Variants in MTMR6 observed in about 807,000 individuals in gnomAD.
MTMR6 encodes the protein myotubularin related protein 6.
In MTMR6, 47 loss-of-function variants were observed where a neutral mutation model predicts 80.1. That is an observed-to-expected ratio of 0.59 (90% CI 0.46 to 0.75). The LOEUF is 0.75. MTMR6 is among the 30% of genes least tolerant of loss of function. MTMR6 has a pLI of 0.00. For missense variants in MTMR6, 629 were observed against 730.9 expected (o/e 0.86, Z 1.61); for synonymous variants, 254 against 253.0 (o/e 1.00, Z -0.04).
intron 6 of MTMR6, among the ~76,000 whole-genome samples, chr13:25,260,414 C>T (rs896414945): frequency 6.6e-6 from 1 of 152,174 alleles, no homozygotes; most frequent in Non-Finnish European, 1.5e-5. Flanking sequence ...GTGATCCACC[C>T]GCCGTGGCCT....
intron 9 of MTMR6, among the ~76,000 whole-genome samples, chr13:25,255,986 T>A (rs1957199634): frequency 6.6e-6 from 1 of 152,216 alleles, no homozygotes; most frequent in African/African-American, 2.4e-5. Flanking sequence ...GCCTTCAAGA[T>A]ACCAAGCCAC....
intron 9 of MTMR6, 22 bp downstream of exon 9, chr13:25,257,174 G>A: frequency 3.1e-6 from 5 of 1,607,476 alleles, no homozygotes; most frequent in Non-Finnish European, 4.3e-6. Flanking sequence ...AGAACCATTG[G>A]TCTAACCAAA....
chr13:25,267,964 G>T (rs754716634), intron 2 of MTMR6, 23 bp from the exon 3 acceptor site: 73 of 1,552,116 alleles, frequency 4.7e-5, no homozygotes, highest in Non-Finnish European at 6.3e-5. Flanking sequence ...AAAACATCCA[G>T]GTCATCAACA....
intron 1 of MTMR6, among the ~76,000 whole-genome samples, chr13:25,286,811 A>C (rs1396208735): frequency 6.6e-6 from 1 of 152,194 alleles, no homozygotes; most frequent in Non-Finnish European, 1.5e-5. Flanking sequence ...GGGACAATGA[A>C]ATGTGAGCAA....
chr13:25,249,060 T>C lies in MTMR6; in HGVS notation c.*172A>G. On this transcript the variant is annotated 3_prime_UTR_variant, in exon 14 of 14. Transcript: ENST00000381801. The stretch of plus-strand genomic sequence containing the variant: ...TGTCATTCCTTGCTGGAAATGCAAT[T>C]AAAATGACTTATTTCTCTCACAAGG... 1 of 649,156 alleles carries C rather than the reference T, an allele frequency of 1.5e-6. No homozygotes were observed. Among genetic ancestry groups the C allele is most frequent in the Non-Finnish European group, 2.5e-6 (1 of 394,444 alleles). 40.2% of individuals were successfully genotyped at this position (649,156 alleles called of 1,614,324 possible).
chr13:25,277,038 T>C (rs1957741136), intron 1 of MTMR6, among the ~76,000 whole-genome samples: 1 of 152,236 alleles, frequency 6.6e-6, no homozygotes, highest in Non-Finnish European at 1.5e-5. Flanking sequence ...TATGCTATAC[T>C]GCCTCCACTT....
intron 2 of MTMR6, among the ~76,000 whole-genome samples, chr13:25,270,428 G>T (rs1006981768): frequency 1.3e-5 from 2 of 152,158 alleles, no homozygotes; most frequent in African/African-American, 4.8e-5. Context: ...ACAACAATAG[G>T]AGAGTAGAGA....
At chr13:25,261,403 C>T (rs904768840) in intron 6 of MTMR6, among the ~76,000 whole-genome samples, 4 of 142,092 alleles carry the variant, frequency 2.8e-5, no homozygotes, top group Non-Finnish European at 6.0e-5. Flanking sequence ...GACTTATATA[C>T]TAGCAAGAGT....
chr13:25,258,225 G>A (rs991246832), intron 7 of MTMR6, among the ~76,000 whole-genome samples: 4 of 151,936 alleles, frequency 2.6e-5, no homozygotes, highest in Non-Finnish European at 5.9e-5. Flanking sequence ...AAAACCATTA[G>A]AATTGTACTG....
At chr13:25,271,289 T>C (rs1957570505) in intron 2 of MTMR6, among the ~76,000 whole-genome samples, 1 of 152,138 alleles carries the variant, frequency 6.6e-6, no homozygotes, top group Non-Finnish European at 1.5e-5. Context: ...ATGGGGCTAC[T>C]GAGGAAAGCC....
intron 1 of MTMR6, among the ~76,000 whole-genome samples, chr13:25,281,958 A>G (rs1360942520): frequency 6.6e-6 from 1 of 152,090 alleles, no homozygotes; most frequent in Non-Finnish European, 1.5e-5. Context: ...TGCTTATTCC[A>G]TCAATGGCTT....
At chr13:25,286,575 T>A (rs549048298) in intron 1 of MTMR6, among the ~76,000 whole-genome samples, 2 of 152,170 alleles carry the variant, frequency 1.3e-5, no homozygotes, top group East Asian at 3.9e-4. Flanking sequence ...AAGCATGGAG[T>A]GCAATAAGGT....
intron 5 of MTMR6, among the ~76,000 whole-genome samples, chr13:25,262,455 C>T (rs1425633258): frequency 1.3e-5 from 2 of 152,174 alleles, no homozygotes; most frequent in Non-Finnish European, 2.9e-5. Context: ...GCAGCCTTGA[C>T]CTCCTGGGCT....
At chr13:25,264,008 T>G (rs1272648605) in intron 5 of MTMR6, among the ~76,000 whole-genome samples, 1 of 152,038 alleles carries the variant, frequency 6.6e-6, no homozygotes, top group Non-Finnish European at 1.5e-5. Flanking sequence ...TTGAAAGACA[T>G]GAAAGACAAA....
chr13:25,268,831 C>G (rs528471002), intron 2 of MTMR6, among the ~76,000 whole-genome samples: 1 of 152,076 alleles, frequency 6.6e-6, no homozygotes, highest in South Asian at 2.1e-4. Flanking sequence ...CAGCTGCAGC[C>G]GCCCAGCCAT....
At chr13:25,257,352 T>A in intron 8 of MTMR6, 31 bp from the exon 9 acceptor site, 1 of 1,608,088 alleles carries the variant, frequency 6.2e-7, no homozygotes, top group Non-Finnish European at 8.5e-7. Flanking sequence ...CATTCTAGCG[T>A]ACTTTAAGGT....
chr13:25,255,192 C>G (rs1957172263), intron 9 of MTMR6, among the ~76,000 whole-genome samples: 1 of 152,248 alleles, frequency 6.6e-6, no homozygotes, highest in African/African-American at 2.4e-5. Context: ...TCTCAAGCCT[C>G]TGCTTTCCGC....
At position 25,274,013 on chromosome 13, in the gene MTMR6, C is replaced by T. The variant is rs1957644395; in HGVS notation, c.141+58G>A. ...TGTGTTATACACATTCAAAATAAAA[C>T]ATGACAGACCAAGTCCATTATTATT... On this transcript the variant is annotated intron_variant, in intron 2 of 13. Transcript: ENST00000381801. 3.4e-6 allele frequency: 4 copies of T among 1,172,194 alleles called. No homozygotes were observed. In the South Asian group the frequency reaches 4.1e-5, roughly 12 times the overall value. 72.6% of individuals were successfully genotyped at this position (1,172,194 alleles called of 1,614,324 possible). A position where few individuals can be genotyped will look rare whatever the true frequency, so the allele number is the denominator to read the frequency against.
chr13:25,271,494 A>G (rs1464333842), intron 2 of MTMR6, among the ~76,000 whole-genome samples: 5 of 152,178 alleles, frequency 3.3e-5, no homozygotes. Flanking sequence ...CAATGAATGA[A>G]TTGCCACTTG....
Sources: gnomAD v4.1 joint callset for allele counts (sites outside exome capture counted in the v4.1 genomes callset) on GRCh38, gnomAD v4.1.1 for gene constraint, MANE v1.5 for transcripts, NCBI Gene and HGNC (gene_info 2026-07-23, HGNC 2026-07-21) for gene names.